Variants in HDAC1 observed in about 807,000 individuals in gnomAD.
The protein encoded by HDAC1 is histone deacetylase 1.
In HDAC1, 18 loss-of-function variants were observed where a neutral mutation model predicts 65.5. The ratio of observed to expected loss-of-function variants is 0.27; its 90% CI spans 0.19 to 0.41. The LOEUF (loss-of-function observed/expected upper bound fraction) is 0.41. HDAC1 is among the 10% of genes least tolerant of loss of function. The pLI, the probability that HDAC1 is intolerant of heterozygous loss-of-function variation, is 1.00. For synonymous variants in HDAC1, 211 were observed against 227.9 expected, an observed-to-expected ratio of 0.93 and a Z score of 0.67; for missense variants, 373 against 625.2, an observed-to-expected ratio of 0.60 and a Z score of 4.30.
At chr1:32,315,776 A>G (rs1236596462) in intron 2 of HDAC1, among the ~76,000 whole-genome samples, 3 of 141,442 alleles carry the variant, frequency 2.1e-5, no homozygotes, top group Admixed American at 7.1e-5. Context: ...GACCATCCTG[A>G]CCAACATGGT....
rs1022436559 is a variant in HDAC1 at position 32,331,190 on chromosome 1, C to T, written c.979+282C>T. 5.9e-5 allele frequency among the ~76,000 whole-genome samples: 9 copies of T among 152,160 alleles called. No homozygotes were observed. The highest frequency in any genetic ancestry group is 8.8e-5 in the Non-Finnish European group (6 of 68,028). ...CTACTCTGTAGAGTAACTGGAGTAG[C>T]GAGTGAAGGGAGCGCTCATAATGAG... On this transcript the variant is annotated intron_variant, in intron 9 of 13. Coordinates refer to ENST00000373548, the MANE Select transcript of HDAC1 (RefSeq NM_004964.3). The surrounding 1 kb of genome is among the most constrained non-coding windows in gnomAD (Gnocchi z 4.2).
In HDAC1 at chr1:32,333,624, A is replaced by G. The variant is rs892367649; in HGVS notation, c.*580A>G. ...CTTTGTAATAAAATGGTACATTTCTATATCCTCCTGAGCTTGTTTCCTATG... is the reference window on the plus strand; with the variant it reads ...CTTTGTAATAAAATGGTACATTTCTGTATCCTCCTGAGCTTGTTTCCTATG... On this transcript the variant is annotated 3_prime_UTR_variant, in exon 14 of 14. Transcript: ENST00000373548. 2.6e-5 allele frequency: 4 copies of G among 152,628 alleles called. No individual in the cohort carries two copies. Among genetic ancestry groups the G allele is most frequent in the Admixed American group, 6.5e-5 (1 of 15,278 alleles). 9.5% of individuals were successfully genotyped at this position (152,628 alleles called of 1,614,324 possible).
In HDAC1 at chr1:32,332,738, A is replaced by G. The variant is rs557194132; in HGVS notation, c.1410A>G (p.Pro470=). 1.5e-5 allele frequency: 24 copies of G among 1,555,078 alleles called. No individual in the cohort carries two copies. The highest frequency in any genetic ancestry group is 1.8e-5 in the Non-Finnish European group (21 of 1,148,778). ...AGGAGAAAACCAAGGAGGAGAAGCC[A>G]GAAGCCAAAGGGTGAGGAAGGAGCT... ...TEEEKTKEEK[P]EAKGVKEEVK... is the part of the protein sequence containing the mutation. The change falls in exon 13 of 14, where the codon CCA becomes CCG. Residue 470 remains proline (P), a synonymous_variant. Transcript: ENST00000373548.
chr1:32,332,008 A>C, intron 11 of HDAC1, 82 bp from the exon 12 acceptor site: 1 of 1,455,154 alleles, frequency 6.9e-7, no homozygotes, highest in Non-Finnish European at 9.1e-7. Flanking sequence ...CTTGGAGGAC[A>C]CGCAGGGAAG....
At chr1:32,299,658 G>A (rs1033663878) in intron 1 of HDAC1, among the ~76,000 whole-genome samples, 1 of 152,098 alleles carries the variant, frequency 6.6e-6, no homozygotes, top group Non-Finnish European at 1.5e-5. Flanking sequence ...AGAGATCTTT[G>A]GGTGTGTAGT....
intron 2 of HDAC1, among the ~76,000 whole-genome samples, chr1:32,307,713 A>C (rs1640930401): frequency 6.6e-6 from 1 of 152,210 alleles, no homozygotes; most frequent in Non-Finnish European, 1.5e-5. Context: ...AAAACTGAGG[A>C]TAAGAGGGCA....
chr1:32,315,915 A>G (rs918113340), intron 2 of HDAC1, among the ~76,000 whole-genome samples: 1 of 151,138 alleles, frequency 6.6e-6, no homozygotes, highest in Non-Finnish European at 1.5e-5. Context: ...CAGTGAGTCG[A>G]GATCATGCCA....
At chr1:32,303,940 C>T (rs540032560) in intron 2 of HDAC1, among the ~76,000 whole-genome samples, 1 of 152,308 alleles carries the variant, frequency 6.6e-6, no homozygotes, top group African/African-American at 2.4e-5. Flanking sequence ...ATTAGTACAT[C>T]TGTAGACCAA....
Position 32,331,842 on chromosome 1 carries a change from C to A in HDAC1, c.1219+36C>A. The A allele has an allele frequency of 6.4e-7, 1 of 1,566,710 alleles. No homozygotes were observed. The highest frequency in any genetic ancestry group is 8.7e-7 in the Non-Finnish European group (1 of 1,154,510). On this transcript the variant is annotated intron_variant, in intron 11 of 13. Transcript: ENST00000373548. This position sits in a 1 kb window ranked among gnomAD's most constrained non-coding sequence, Gnocchi z 4.2. ...GACCTAGAGCCCTATGCCTTCCATT[C>A]AATAGGCAGCTCACACTTCCACCAC...
At position 32,332,744 on chromosome 1, in the gene HDAC1, C is replaced by A; in HGVS notation, c.1416C>A (p.Ala472=). The change falls in exon 13 of 14, where the codon GCC becomes GCA. Residue 472 remains alanine, a synonymous_variant. Coordinates refer to ENST00000373548, the MANE Select transcript of HDAC1 (RefSeq NM_004964.3). ...AAACCAAGGAGGAGAAGCCAGAAGC[C>A]AAAGGGTGAGGAAGGAGCTGCCTGT... ...EEKTKEEKPE[A]KGVKEEVKLA The A allele has an allele frequency of 6.4e-7, 1 of 1,554,784 alleles. No homozygotes were observed. The highest frequency in any genetic ancestry group is 8.7e-7 in the Non-Finnish European group (1 of 1,148,506).
intron 2 of HDAC1, among the ~76,000 whole-genome samples, chr1:32,304,886 T>A (rs1384159661): frequency 1.3e-5 from 2 of 152,022 alleles, no homozygotes; most frequent in African/African-American, 4.8e-5. Flanking sequence ...TTCAGAAAAA[T>A]TTTTTTGTAG....
chr1:32,308,466 C>T (rs1246325180), intron 2 of HDAC1, among the ~76,000 whole-genome samples: 3 of 152,102 alleles, frequency 2.0e-5, no homozygotes, highest in Admixed American at 6.6e-5. Flanking sequence ...CAAAAATACT[C>T]CAAGTGAGAT....
At chr1:32,317,056 G>A (rs976835911) in intron 3 of HDAC1, among the ~76,000 whole-genome samples, 6 of 152,156 alleles carry the variant, frequency 3.9e-5, no homozygotes, top group African/African-American at 1.2e-4. Context: ...GACCTGGGAC[G>A]GGGAGACAAT....
chr1:32,321,572 A>G (rs1043167922), intron 3 of HDAC1, among the ~76,000 whole-genome samples: 1 of 152,116 alleles, frequency 6.6e-6, no homozygotes, highest in Admixed American at 6.5e-5. Flanking sequence ...AAAGAGAGAA[A>G]ACCCATGGAA....
chr1:32,325,002 C>T (rs985551749), intron 4 of HDAC1, among the ~76,000 whole-genome samples: 1 of 152,096 alleles, frequency 6.6e-6, no homozygotes, highest in East Asian at 1.9e-4. Context: ...AAATGTCCCT[C>T]TGGTTCAGTC....
intron 12 of HDAC1, 137 bp from the exon 13 acceptor site, chr1:32,332,564 G>A (rs1641309175): frequency 1.4e-6 from 1 of 693,024 alleles, no homozygotes; most frequent in Non-Finnish European, 2.5e-6. Context: ...GGCTCACTGG[G>A]AGGACCAGGG....
chr1:32,327,457 C>T lies in HDAC1; in HGVS notation c.495-79C>T, dbSNP rs181139712. The T allele has an allele frequency of 1.4e-4, 150 of 1,094,294 alleles. 1 individual carries two copies. The highest frequency in any genetic ancestry group is 1.0e-3 in the African/African-American group (67 of 64,828). The allele number at this position is 1,094,294 out of a possible 1,614,324, so 67.8% of individuals were successfully genotyped here. A position where few individuals can be genotyped will look rare whatever the true frequency, so the allele number is the denominator to read the frequency against. On this transcript the variant is annotated intron_variant, in intron 5 of 13. Transcript: ENST00000373548. This position sits in a 1 kb window ranked among gnomAD's most constrained non-coding sequence, Gnocchi z 6.0. ...AGATACCTGAGGGAGGCAGCCAGCC[C>T]GGTAAGCTGGGAGCTAGCGCCCTTG...
At chr1:32,315,332 G>A (rs758328545) in intron 2 of HDAC1, among the ~76,000 whole-genome samples, 2 of 151,502 alleles carry the variant, frequency 1.3e-5, no homozygotes, top group African/African-American at 4.8e-5. Flanking sequence ...TTTATAATAC[G>A]TATATATACA....
chr1:32,332,560 C>T, intron 12 of HDAC1, 141 bp from the exon 13 acceptor site: 1 of 690,182 alleles, frequency 1.4e-6, no homozygotes. Context: ...ACAGGGCTCA[C>T]TGGGAGGACC....
Sources: allele counts gnomAD v4.1 joint callset (sites outside exome capture counted in the v4.1 genomes callset), GRCh38; gene constraint gnomAD v4.1.1; non-coding constraint Gnocchi (gnomAD v3.1); transcripts MANE v1.5; gene names NCBI Gene and HGNC (gene_info 2026-07-23, HGNC 2026-07-21).